Variants in RELN observed in about 807,000 individuals in gnomAD.
The protein encoded by RELN is reelin.
A neutral mutation model predicts 427.6 loss-of-function variants in RELN; 108 were observed. The ratio of observed to expected loss-of-function variants is 0.25; its 90% CI spans 0.22 to 0.30. RELN has a LOEUF of 0.30. RELN is among the 10% of genes least tolerant of loss of function. The pLI, the probability that RELN is intolerant of heterozygous loss-of-function variation, is 1.00. For synonymous variants in RELN, 1,524 were observed against 1,513.4 expected, an observed-to-expected ratio of 1.01 and a Z score of -0.16; for missense variants, 3,715 against 4,302.8, an observed-to-expected ratio of 0.86 and a Z score of 3.82.
chr7:103,885,853 G>A (rs535869873), intron 2 of RELN, among the ~76,000 whole-genome samples: 1 of 152,198 alleles, frequency 6.6e-6, no homozygotes, highest in Admixed American at 6.5e-5. Context: ...GTTGCGTTGA[G>A]ATACTTACAT....
chr7:103,825,704 T>C (rs1309288084), intron 3 of RELN, among the ~76,000 whole-genome samples: 1 of 152,156 alleles, frequency 6.6e-6, no homozygotes, highest in East Asian at 1.9e-4. Context: ...ATTTGTGCTG[T>C]TCAATAAAAT....
rs1395438694 is a variant in RELN at position 103,490,659 on chromosome 7, G to A, written c.9605+9C>T. On this transcript the variant is annotated intron_variant, in intron 59 of 64. Transcript: ENST00000428762. ...AATTTCACAAAGTTTACCTTAATTTGCAACCTACCTAGAGGAGACATGGTC... is the reference window on the plus strand; with the variant it reads ...AATTTCACAAAGTTTACCTTAATTTACAACCTACCTAGAGGAGACATGGTC... 2 of 1,613,862 alleles carry A rather than the reference G, an allele frequency of 1.2e-6. No homozygotes were observed. The highest frequency in any genetic ancestry group is 4.5e-5 in the East Asian group (2 of 44,882).
intron 5 of RELN, among the ~76,000 whole-genome samples, chr7:103,751,438 A>G (rs1359340230): frequency 6.6e-6 from 1 of 152,244 alleles, no homozygotes; most frequent in Non-Finnish European, 1.5e-5. Context: ...TAATGAAGTC[A>G]TGGAAACCAG....
intron 2 of RELN, among the ~76,000 whole-genome samples, chr7:103,839,059 A>ATTTC (rs1793484725): frequency 6.6e-6 from 1 of 152,208 alleles, no homozygotes; most frequent in Non-Finnish European, 1.5e-5. Flanking sequence ...TGTCTAGCCA[A>ATTTC]TAATTTGCAT....
intron 8 of RELN, among the ~76,000 whole-genome samples, chr7:103,708,109 C>T (rs1834245309): frequency 6.6e-6 from 1 of 152,152 alleles, no homozygotes; most frequent in Non-Finnish European, 1.5e-5. Flanking sequence ...TCCACTTTTA[C>T]TCTGGTTCTA....
At chr7:103,896,138 A>G (rs566288863) in intron 2 of RELN, among the ~76,000 whole-genome samples, 1 of 152,226 alleles carries the variant, frequency 6.6e-6, no homozygotes, top group East Asian at 1.9e-4. Flanking sequence ...ATAACACCAC[A>G]CACCTACCAA....
Position 103,522,122 on chromosome 7 carries a change from T to A in RELN, c.7568A>T (p.Asn2523Ile). ...CCAGTTCTGACTGGATGGAGCTCGA[T>A]TGAAGTTGTCTTTGAGTTGGGTTGG... is the stretch of plus-strand genomic sequence containing the variant. ...SLPTQLKDNF[N>I]RAPSSQNWLT... Residue 2523 changes from asparagine (N) to isoleucine (I), a missense_variant, in exon 48 of 65, where the codon AAT (asparagine) becomes ATT (isoleucine). Physicochemically the swap from Asn to Ile is moderately radical, Grantham distance 149. Coordinates refer to ENST00000428762, the MANE Select transcript of RELN (RefSeq NM_005045.4). The A allele has an allele frequency of 6.2e-7, 1 of 1,614,118 alleles. No individual in the cohort carries two copies. The highest frequency in any genetic ancestry group is 1.1e-5 in the South Asian group (1 of 91,070).
At chr7:103,755,792 G>A (rs1488939745) in intron 4 of RELN, among the ~76,000 whole-genome samples, 2 of 131,416 alleles carry the variant, frequency 1.5e-5, no homozygotes, top group Non-Finnish European at 3.1e-5. Context: ...CAGTCTGGGG[G>A]ACAGAGTGAG....
Position 103,603,591 on chromosome 7 carries a change from C to A in RELN, c.3147-101G>T. 3 of 902,550 alleles carry A rather than the reference C, an allele frequency of 3.3e-6. No homozygotes were observed. Among genetic ancestry groups the A allele is most frequent in the Non-Finnish European group, 3.7e-6 (2 of 544,866 alleles). 55.9% of individuals were successfully genotyped at this position (902,550 alleles called of 1,614,324 possible). A position where few individuals can be genotyped will look rare whatever the true frequency, so the allele number is the denominator to read the frequency against. On this transcript the variant is annotated intron_variant, in intron 23 of 64. Transcript: ENST00000428762. The surrounding 1 kb of genome is among the most constrained non-coding windows in gnomAD (Gnocchi z 4.3). The stretch of plus-strand genomic sequence containing the variant: ...TCCCATGTCTTACTTTTGCTCAGGT[C>A]TTATCATTCACACTAGATTCTTCCC...
intron 36 of RELN, among the ~76,000 whole-genome samples, chr7:103,560,715 C>G (rs1324724586): frequency 1.3e-5 from 2 of 152,210 alleles, no homozygotes; most frequent in South Asian, 2.1e-4. Flanking sequence ...TCAAAACTCT[C>G]AGAGACTTGT....
intron 2 of RELN, among the ~76,000 whole-genome samples, chr7:103,840,214 G>A (rs1204910083): frequency 6.6e-6 from 1 of 152,214 alleles, no homozygotes; most frequent in African/African-American, 2.4e-5. Context: ...GGAGATAAAA[G>A]AATCGGTTTA....
intron 2 of RELN, among the ~76,000 whole-genome samples, chr7:103,891,761 T>C (rs545047231): frequency 6.6e-6 from 1 of 152,314 alleles, no homozygotes; most frequent in East Asian, 1.9e-4. Flanking sequence ...ATAAAAATTG[T>C]ATCACCTATA....
At chr7:103,655,608 A>C (rs1833007808) in intron 12 of RELN, among the ~76,000 whole-genome samples, 1 of 151,970 alleles carries the variant, frequency 6.6e-6, no homozygotes, top group Non-Finnish European at 1.5e-5. Context: ...TCTTGGGGAG[A>C]AATGACTGAT....
In RELN at chr7:103,502,292, C is replaced by A. The variant is rs2117037198; in HGVS notation, c.8489+724G>T. On this transcript the variant is annotated intron_variant, in intron 52 of 64. Transcript: ENST00000428762. ...AATAATAATAATAATATCTATGGGA[C>A]ACTGGGAACTGTGCGTAAGCACTTT... 2.0e-5 allele frequency among the ~76,000 whole-genome samples: 3 copies of A among 152,300 alleles called. No individual in the cohort carries two copies. The South Asian group carries it at 6.2e-4, about 32-fold the overall frequency.
chr7:103,536,756 T>C (rs1830060863), intron 45 of RELN, among the ~76,000 whole-genome samples: 4 of 152,234 alleles, frequency 2.6e-5, no homozygotes, highest in Admixed American at 2.6e-4. Context: ...ATGGGCATTC[T>C]TCCAGACCCT....
intron 27 of RELN, 26 bp downstream of exon 27, chr7:103,593,656 C>G (rs755384845): frequency 6.3e-7 from 1 of 1,594,346 alleles, no homozygotes; most frequent in South Asian, 1.1e-5. Flanking sequence ...TTAACTTGCT[C>G]TGGGAAGAAG....
intron 60 of RELN, among the ~76,000 whole-genome samples, chr7:103,489,485 T>A (rs966361818): frequency 6.6e-6 from 1 of 152,194 alleles, no homozygotes; most frequent in Non-Finnish European, 1.5e-5. Flanking sequence ...CATATCTGGA[T>A]TTATATGCTT....
At chr7:103,835,177 G>C (rs1793369455) in intron 2 of RELN, among the ~76,000 whole-genome samples, 1 of 152,212 alleles carries the variant, frequency 6.6e-6, no homozygotes, top group Non-Finnish European at 1.5e-5. Flanking sequence ...GTATTACCAA[G>C]TGAAAGAATC....
chr7:103,611,590 G>C, intron 21 of RELN, 21 bp downstream of exon 21: 6 of 1,605,924 alleles, frequency 3.7e-6, no homozygotes, highest in Non-Finnish European at 5.1e-6. Context: ...CTGTTACAAG[G>C]TTTAAGGAAA....
Sources: allele counts gnomAD v4.1 joint callset (sites outside exome capture counted in the v4.1 genomes callset), GRCh38; gene constraint gnomAD v4.1.1; non-coding constraint Gnocchi (gnomAD v3.1); transcripts MANE v1.5; gene names NCBI Gene and HGNC (gene_info 2026-07-23, HGNC 2026-07-21).